Variants in TRIM4 observed in about 807,000 individuals in gnomAD.
The protein encoded by TRIM4 is E3 ubiquitin-protein ligase TRIM4.
A neutral mutation model predicts 33.7 loss-of-function variants in TRIM4; 29 were observed. That is an observed-to-expected ratio of 0.86 (90% CI 0.64 to 1.17). The LOEUF (loss-of-function observed/expected upper bound fraction) is 1.17. Among genes scored for constraint, TRIM4 ranks in the 50% most tolerant of loss-of-function variants. The pLI, the probability that TRIM4 is intolerant of heterozygous loss-of-function variation, is 0.00. For synonymous variants in TRIM4, 224 were observed against 233.0 expected, an observed-to-expected ratio of 0.96 and a Z score of 0.35; for missense variants, 554 against 593.7, an observed-to-expected ratio of 0.93 and a Z score of 0.69.
intron 1 of TRIM4, 69 bp from the exon 2 acceptor site, chr7:99,909,729 G>GGTTTTTTTT (rs1563087619): frequency 1.5e-6 from 1 of 677,026 alleles, no homozygotes; most frequent in African/African-American, 2.2e-5. Flanking sequence ...TTTTCTTTTT[G>GGTTTTTTTT]TTTTTTTTTT....
intron 5 of TRIM4, chr7:99,901,206 C>A (rs1227169771): frequency 6.6e-6 from 1 of 152,036 alleles, no homozygotes; most frequent in African/African-American, 2.4e-5. Flanking sequence ...CCAATTTTTT[C>A]TTTTGTAATA....
intron 3 of TRIM4, among the ~76,000 whole-genome samples, chr7:99,907,187 G>A (rs1396727504): frequency 6.6e-6 from 1 of 152,024 alleles, no homozygotes; most frequent in Non-Finnish European, 1.5e-5. Context: ...GCACAATCTC[G>A]GCTCACTGCA....
intron 2 of TRIM4, among the ~76,000 whole-genome samples, chr7:99,909,146 G>T (rs1376756624): frequency 6.6e-6 from 1 of 151,576 alleles, no homozygotes; most frequent in Non-Finnish European, 1.5e-5. Flanking sequence ...GTGTGTGTGT[G>T]TGTGTGTGTG....
chr7:99,911,906 G>A (rs1459544200), intron 1 of TRIM4, among the ~76,000 whole-genome samples: 2 of 152,120 alleles, frequency 1.3e-5, no homozygotes, highest in African/African-American at 4.8e-5. Flanking sequence ...ATAGGAAGGT[G>A]GATAAATAAT....
In TRIM4 at chr7:99,891,586, G is replaced by T. The variant is rs1818894168; in HGVS notation, c.*577C>A. ...TGGGGGAATCAGTAGTTACTGGAAA[G>T]AATAGGCAATGCCTGACTGGATAGA... On this transcript the variant is annotated 3_prime_UTR_variant, in exon 6 of 6. Coordinates refer to ENST00000349062, the MANE Select transcript of TRIM4 (RefSeq NM_033091.3). 6.6e-6 allele frequency: 1 copy of T among 152,338 alleles called. No individual in the cohort carries two copies. The highest frequency in any genetic ancestry group is 2.4e-5 in the African/African-American group (1 of 41,454). 9.4% of individuals were successfully genotyped at this position (152,338 alleles called of 1,614,324 possible). A position where few individuals can be genotyped will look rare whatever the true frequency, so the allele number is the denominator to read the frequency against.
Position 99,894,430 on chromosome 7 carries a change from C to T in TRIM4, c.842-1684G>A, listed in dbSNP as rs28360802. On this transcript the variant is annotated intron_variant, in intron 5 of 5. Transcript: ENST00000349062. ...CCTGTAATCCCAATGCTTTGGGAGG[C>T]CAAGGCAGTGGATTACGAGGTCAGG... Among the ~76,000 whole-genome samples the T allele has an allele frequency of 2.5e-3, 378 of 152,136 alleles. 2 individuals carry two copies. Among genetic ancestry groups the T allele is most frequent in the African/African-American group, 8.7e-3 (362 of 41,510 alleles).
intron 5 of TRIM4, among the ~76,000 whole-genome samples, chr7:99,896,548 CTA>C (rs1356532533): frequency 6.6e-6 from 1 of 152,354 alleles, no homozygotes; most frequent in African/African-American, 2.4e-5. Context: ...TCAATAAATC[CTA>C]TGTCTCATTC....
At chr7:99,892,857 A>G in intron 5 of TRIM4, 111 bp from the exon 6 acceptor site, 1 of 937,624 alleles carries the variant, frequency 1.1e-6, no homozygotes. Flanking sequence ...ACAAACACTC[A>G]TGACTCCACT....
At chr7:99,912,315 G>A (rs116112293) in intron 1 of TRIM4, among the ~76,000 whole-genome samples, 1,524 of 152,300 alleles carry the variant, frequency 0.01, 20 homozygotes, top group African/African-American at 0.03. Context: ...TGGACAGCTT[G>A]AGGCCAAGAG....
chr7:99,893,965 T>G (rs1231981371), intron 5 of TRIM4, among the ~76,000 whole-genome samples: 1 of 148,524 alleles, frequency 6.7e-6, no homozygotes, highest in East Asian at 2.0e-4. Context: ...CACATGGTTT[T>G]CCTTTTTTTT....
rs1819593046 is a variant in TRIM4 at position 99,917,920 on chromosome 7, A to G, written c.393+1089T>C. ...AGATGTGGGTAGAGAAAGAGAACAGACTTGAAACAAAAGCAAGAAAGCCAG... is the reference window on the plus strand; with the variant it reads ...AGATGTGGGTAGAGAAAGAGAACAGGCTTGAAACAAAAGCAAGAAAGCCAG... On this transcript the variant is annotated intron_variant, in intron 1 of 5. Transcript: ENST00000349062. 3.3e-6 allele frequency: 3 copies of G among 914,402 alleles called. No homozygotes were observed. In the Admixed American group the frequency reaches 1.9e-4, roughly 57 times the overall value. The allele number at this position is 914,402 out of a possible 1,614,324, so 56.6% of individuals were successfully genotyped here.
At position 99,892,245 on chromosome 7, in the gene TRIM4, G is replaced by C. The variant is rs33998596; in HGVS notation, c.1343C>G (p.Ser448Cys). ...DGVHLHTFSC[S>C]SVSRLRPFFW... ...AAATGGCCGGAGGCGTGAGACAGAA[G>C]AACAAGAAAAGGTGTGCAGGTGCAC... The change falls in exon 6 of 6, where the codon TCT (serine) becomes TGT (cysteine). Residue 448 changes from serine (S) to cysteine (C), a missense_variant. By Grantham distance (112) the Ser-to-Cys change is moderately radical (BLOSUM62 -1). Around this residue, in one of 3 missense-constraint regions of TRIM4, gnomAD observed 290 missense variants for 335.8 expected, o/e 0.86. Coordinates refer to ENST00000349062, the MANE Select transcript of TRIM4 (RefSeq NM_033091.3). The C allele has an allele frequency of 0.065, 105,448 of 1,614,100 alleles. 3,726 individuals carry two copies. The highest frequency in any genetic ancestry group is 0.096 in the Middle Eastern group (581 of 6,062).
rs1255293132 is a variant in TRIM4, at chr7:99,909,676, C to G, written c.394-16G>C. ...GAAGTTTCTCCTGCCAGCAGAAACA[C>G]ACACAGGTAAGAAAACACATCTCCA... On this transcript the variant is annotated splice_polypyrimidine_tract_variant and intron_variant, in intron 1 of 5. Transcript: ENST00000349062. 1.3e-6 allele frequency: 2 copies of G among 1,584,564 alleles called. No individual in the cohort carries two copies. Among genetic ancestry groups the G allele is most frequent in the Admixed American group, 1.7e-5 (1 of 59,426 alleles).
rs766061909 is a variant in TRIM4 at position 99,892,524 on chromosome 7, T to C, written c.1064A>G (p.Tyr355Cys). 1 of 1,614,216 alleles carries C rather than the reference T, an allele frequency of 6.2e-7. No individual in the cohort carries two copies. Among genetic ancestry groups the C allele is most frequent in the South Asian group, 1.1e-5 (1 of 91,086 alleles). ...GKNVFTSGKH[Y>C]WEVESRDSLE... ...ACTATCTCTACTCTCAACTTCCCAG[T>C]AATGTTTCCCTGAGGTGAAAACGTT... The change falls in exon 6 of 6, where the codon TAC becomes TGC. Residue 355 changes from tyrosine to cysteine, a missense_variant. Tyr to Cys is a radical substitution (Grantham distance 194). Coordinates refer to ENST00000349062, the MANE Select transcript of TRIM4 (RefSeq NM_033091.3).
chr7:99,892,208 A>G lies in TRIM4; in HGVS notation c.1380T>C (p.Ser460=). 1 of 1,613,844 alleles carries G rather than the reference A, an allele frequency of 6.2e-7. No individual in the cohort carries two copies. ...VSRLRPFFWL[S]PLASLVIPPV... ...GTGGAATGACTAAAGATGCTAATGG[A>G]CTCAACCAAAAAAATGGCCGGAGGC... Residue 460 remains serine, a synonymous_variant, in exon 6 of 6, where the codon AGT becomes AGC. Transcript: ENST00000349062.
rs146316052 is a variant in TRIM4, at chr7:99,892,463, G to T, written c.1125C>A (p.Val375=). 432 of 1,614,082 alleles carry T rather than the reference G, an allele frequency of 2.7e-4. 2 individuals carry two copies. In the African/African-American group the frequency reaches 4.9e-3, roughly 18 times the overall value. ...EVAVGVCRED[V]MGITDRSKMS... ...TTTTTGAACGATCAGTAATTCCCATGACGTCCTCCCGACACACCCCAACAG... is the reference window on the plus strand; with the variant it reads ...TTTTTGAACGATCAGTAATTCCCATTACGTCCTCCCGACACACCCCAACAG... Residue 375 remains valine (V), a synonymous_variant, in exon 6 of 6, where the codon GTC becomes GTA. Coordinates refer to ENST00000349062, the MANE Select transcript of TRIM4 (RefSeq NM_033091.3).
At chr7:99,899,463 C>G (rs1038378926) in intron 5 of TRIM4, among the ~76,000 whole-genome samples, 9 of 152,160 alleles carry the variant, frequency 5.9e-5, no homozygotes, top group African/African-American at 2.2e-4. Context: ...TCCTCTTCGG[C>G]CTTTCAGACA....
In TRIM4 at chr7:99,909,645, A is replaced by G. The variant is rs1430987364; in HGVS notation, c.409T>C (p.Ser137Pro). The G allele has an allele frequency of 6.2e-7, 1 of 1,613,256 alleles. No homozygotes were observed. The highest frequency in any genetic ancestry group is 2.2e-5 in the East Asian group (1 of 44,866). Residue 137 changes from serine to proline, a missense_variant, in exon 2 of 6, where the codon TCT becomes CCT. By Grantham distance (74) the Ser-to-Pro change is moderately conservative (BLOSUM62 -1). Transcript: ENST00000349062. Reference protein sequence around the residue: ...FESYREKLLKSQRNLVAKMKK... With the variant: ...FESYREKLLKPQRNLVAKMKK... ...ATCTTGGCCACGAGATTACGCTGAG[A>G]CTTAAGAAGTTTCTCCTGCCAGCAG... is the stretch of plus-strand genomic sequence containing the variant.
At chr7:99,897,872 T>C (rs966667437) in intron 5 of TRIM4, among the ~76,000 whole-genome samples, 1 of 152,204 alleles carries the variant, frequency 6.6e-6, no homozygotes, top group African/African-American at 2.4e-5. Flanking sequence ...ATGACACAAC[T>C]TCCTGTGTCT....
Sources: gnomAD v4.1 joint callset for allele counts (sites outside exome capture counted in the v4.1 genomes callset) on GRCh38, gnomAD v4.1.1 for gene constraint, gnomAD v4.1.1 regional missense constraint, MANE v1.5 for transcripts, NCBI Gene and HGNC (gene_info 2026-07-23, HGNC 2026-07-21) for gene names.